SLC22A16: variants seen among roughly 807,000 people sequenced by gnomAD.
The protein encoded by SLC22A16 is WUGSC:RG331P03.1.
In SLC22A16, 53 loss-of-function variants were observed where a neutral mutation model predicts 52.9. The observed-to-expected ratio is 1.00, with a 90% CI of 0.80 to 1.26. The LOEUF (loss-of-function observed/expected upper bound fraction) is 1.26. Among genes scored for constraint, SLC22A16 ranks in the 50% most tolerant of loss-of-function variants. SLC22A16 has a pLI of 0.00. For missense variants in SLC22A16, 726 were observed against 704.0 expected (o/e 1.03, Z -0.35); for synonymous variants, 291 against 268.8 (o/e 1.08, Z -0.81).
At chr6:110,476,493 C>A (rs747146686) in intron 1 of SLC22A16, 29 bp downstream of exon 1, 1 of 509,428 alleles carries the variant, frequency 2.0e-6, no homozygotes, top group Non-Finnish European at 3.1e-6. Context: ...CCGCCTCCCG[C>A]GTGGCGCCGC....
In SLC22A16 at chr6:110,475,428, G is replaced by T. The variant is rs530948937; in HGVS notation, c.53+1094C>A. 3.3e-5 allele frequency among the ~76,000 whole-genome samples: 5 copies of T among 152,346 alleles called. No individual in the cohort carries two copies. The East Asian group carries it at 9.7e-4, about 29-fold the overall frequency. On this transcript the variant is annotated intron_variant, in intron 1 of 7. Coordinates refer to ENST00000368919, the MANE Select transcript of SLC22A16 (RefSeq NM_033125.4). ...ACATGTACCAACGGCTTATGACCGAGCCAGGCACAAGGCAGCGTTCAATGA... is the reference window on the plus strand; with the variant it reads ...ACATGTACCAACGGCTTATGACCGATCCAGGCACAAGGCAGCGTTCAATGA...
At chr6:110,450,502 C>T (rs966330271) in intron 2 of SLC22A16, among the ~76,000 whole-genome samples, 1 of 150,062 alleles carries the variant, frequency 6.7e-6, no homozygotes, top group East Asian at 2.0e-4. Flanking sequence ...GTCCCAGCTA[C>T]TCGGGAGGCT....
chr6:110,466,049 T>C lies in SLC22A16; in HGVS notation c.54-9032A>G, dbSNP rs556385913. On this transcript the variant is annotated intron_variant, in intron 1 of 7. Coordinates refer to ENST00000368919, the MANE Select transcript of SLC22A16 (RefSeq NM_033125.4). ...TAAACAATGGGAAAAGGACTCTCTA[T>C]TCAATAAATGGTGCTGGGAAAAACT... Among the ~76,000 whole-genome samples, 268 of 152,268 alleles carry C rather than the reference T, an allele frequency of 1.8e-3. 4 individuals are homozygous for C. The highest frequency in any genetic ancestry group is 6.2e-3 in the African/African-American group (259 of 41,562).
intron 2 of SLC22A16, among the ~76,000 whole-genome samples, chr6:110,454,818 GTTATA>G (rs1302440829): frequency 3.8e-5 from 2 of 52,224 alleles, no homozygotes; most frequent in Admixed American, 3.4e-4. Flanking sequence ...TATTATATAT[GTTATA>G]TTATATAATA....
chr6:110,474,183 C>T (rs1562305346), intron 1 of SLC22A16, among the ~76,000 whole-genome samples: 1 of 152,290 alleles, frequency 6.6e-6, no homozygotes, highest in East Asian at 1.9e-4. Flanking sequence ...ATCCTCCCGA[C>T]CCCACCACAG....
intron 1 of SLC22A16, among the ~76,000 whole-genome samples, chr6:110,469,747 A>ATT (rs35891107): frequency 6.6e-6 from 1 of 152,018 alleles, no homozygotes; most frequent in African/African-American, 2.4e-5. Context: ...ATATGTACTA[A>ATT]TTTTTTGTAA....
At chr6:110,453,370 A>T (rs1775456864) in intron 2 of SLC22A16, among the ~76,000 whole-genome samples, 1 of 152,196 alleles carries the variant, frequency 6.6e-6, no homozygotes, top group South Asian at 2.1e-4. Flanking sequence ...TCACCTTGAA[A>T]AATAATTTAT....
chr6:110,458,801 C>T (rs1291519690), intron 1 of SLC22A16, among the ~76,000 whole-genome samples: 6 of 152,202 alleles, frequency 3.9e-5, no homozygotes, highest in Non-Finnish European at 7.3e-5. Context: ...TCCATATTCT[C>T]TGGTTCTCAA....
At chr6:110,441,315 A>G (rs1308856653) in intron 4 of SLC22A16, among the ~76,000 whole-genome samples, 2 of 152,256 alleles carry the variant, frequency 1.3e-5, no homozygotes, top group Non-Finnish European at 2.9e-5. Context: ...AATGGGTGCC[A>G]AAACAGTTGT....
At chr6:110,476,473 C>T (rs1159155361) in intron 1 of SLC22A16, 49 bp downstream of exon 1, 8 of 1,472,668 alleles carry the variant, frequency 5.4e-6, no homozygotes, top group South Asian at 1.3e-5. Flanking sequence ...AAGAAACAGA[C>T]CCCTCGGCGC....
rs780549761 is a variant in SLC22A16, at chr6:110,435,967, A to G, written c.1312-6T>C. ...ACACCCAAAATATAATGTTTCTGAA[A>G]AAAATTTAGCAGAATAGATCATCAC... On this transcript the variant is annotated splice_polypyrimidine_tract_variant and splice_region_variant and intron_variant, in intron 5 of 7. Transcript: ENST00000368919. 1.9e-6 allele frequency: 3 copies of G among 1,598,742 alleles called. No homozygotes were observed. The South Asian group carries it at 3.3e-5, about 18-fold the overall frequency.
Position 110,442,674 on chromosome 6 carries a change from T to C in SLC22A16, c.753A>G (p.Ala251=), listed in dbSNP as rs757579325. ...TCAAAGCCACCAGCAGGGTTCCAAC[T>C]GCAAAAAAGGAATGCAAATGGACAG... ...WASVHLHSFF[A]VGTLLVALTG... is the part of the protein sequence containing the mutation. Residue 251 remains alanine (A), a synonymous_variant, in exon 4 of 8, where the codon GCA becomes GCG. Coordinates refer to ENST00000368919, the MANE Select transcript of SLC22A16 (RefSeq NM_033125.4). The C allele has an allele frequency of 6.2e-7, 1 of 1,614,000 alleles. No individual in the cohort carries two copies. Among genetic ancestry groups the C allele is most frequent in the Non-Finnish European group, 8.5e-7 (1 of 1,179,984 alleles).
chr6:110,456,390 C>T (rs2114989169), intron 2 of SLC22A16, 148 bp downstream of exon 2: 1 of 985,942 alleles, frequency 1.0e-6, no homozygotes, highest in South Asian at 1.6e-5. Context: ...CATTATACAT[C>T]CCTAAATAAT....
At chr6:110,432,561 C>T (rs55655220) in intron 6 of SLC22A16, among the ~76,000 whole-genome samples, 7,394 of 152,190 alleles carry the variant, frequency 0.049, 586 homozygotes, top group African/African-American at 0.17. Context: ...GAGCAGAAAT[C>T]CACCTGAGAG....
chr6:110,452,126 T>A (rs1308939163), intron 2 of SLC22A16, among the ~76,000 whole-genome samples: 1 of 152,210 alleles, frequency 6.6e-6, no homozygotes, highest in African/African-American at 2.4e-5. Context: ...TGTCTAGTGA[T>A]ATATCTATTT....
At chr6:110,448,699 TTC>T (rs1296667140) in intron 2 of SLC22A16, among the ~76,000 whole-genome samples, 2 of 152,178 alleles carry the variant, frequency 1.3e-5, no homozygotes, top group Non-Finnish European at 2.9e-5. Flanking sequence ...CTCAAACAAC[TTC>T]TCTCTCTGTA....
intron 1 of SLC22A16, among the ~76,000 whole-genome samples, chr6:110,466,954 T>C (rs1052725071): frequency 1.3e-5 from 2 of 151,978 alleles, no homozygotes; most frequent in African/African-American, 4.8e-5. Context: ...GATAGATAGA[T>C]AGATAGATAG....
chr6:110,455,895 G>A (rs1008801038), intron 2 of SLC22A16: 3 of 152,360 alleles, frequency 2.0e-5, no homozygotes, highest in Non-Finnish European at 4.4e-5. Flanking sequence ...GCAGCAATAA[G>A]GCACCATCTT....
chr6:110,424,991 GCCT>G lies in SLC22A16; in HGVS notation c.1613_1615del (p.Glu538del). On this transcript the variant is annotated inframe_deletion, in exon 8 of 8. Coordinates refer to ENST00000368919, the MANE Select transcript of SLC22A16 (RefSeq NM_033125.4). ...TTCATTCTCTGACTCCAGTTTTGCAGCCTCCTCCCAAGTAGTTGCTAGCCGTTT... is the reference window on the plus strand; with the variant it reads ...TTCATTCTCTGACTCCAGTTTTGCAGCCTCCCAAGTAGTTGCTAGCCGTTT... 1 of 1,614,130 alleles carries G rather than the reference GCCT, an allele frequency of 6.2e-7. No individual in the cohort carries two copies. The highest frequency in any genetic ancestry group is 8.5e-7 in the Non-Finnish European group (1 of 1,180,048).
Sources: allele counts gnomAD v4.1 joint callset (sites outside exome capture counted in the v4.1 genomes callset), GRCh38; gene constraint gnomAD v4.1.1; transcripts MANE v1.5; gene names NCBI Gene and HGNC (gene_info 2026-07-23, HGNC 2026-07-21).